The following GATAD2A variants were observed in gnomAD, a reference collection of about 807,000 sequenced individuals.
GATAD2A encodes GATA zinc finger domain containing 2A.
GATAD2A carries 12 observed loss-of-function variants against 68.5 expected under a neutral mutation model. That is an observed-to-expected ratio of 0.18 (90% CI 0.11 to 0.28). The LOEUF is 0.28. GATAD2A is among the 10% of genes least tolerant of loss of function. GATAD2A has a pLI of 1.00. For synonymous variants in GATAD2A, 410 were observed against 375.3 expected, an observed-to-expected ratio of 1.09 and a Z score of -1.07; for missense variants, 755 against 868.5, an observed-to-expected ratio of 0.87 and a Z score of 1.64.
upstream of GATAD2A, among the ~76,000 whole-genome samples, chr19:19,405,551 AGGGGCGGTGCTTCC>A (rs1286179062): frequency 1.3e-5 from 2 of 151,796 alleles, no homozygotes; most frequent in Non-Finnish European, 1.5e-5. Flanking sequence ...CGCGCCGGAG[AGGGGCGGTGCTTCC>A]GGGGCGGTAC....
chr19:19,500,184 A>G (rs546464760), intron 8 of GATAD2A, among the ~76,000 whole-genome samples: 1 of 152,284 alleles, frequency 6.6e-6, no homozygotes, highest in African/African-American at 2.4e-5. Flanking sequence ...CACCTCCCAG[A>G]GCCCCCAGCC....
chr19:19,494,848 C>T (rs994428546), intron 5 of GATAD2A, among the ~76,000 whole-genome samples: 17 of 152,196 alleles, frequency 1.1e-4, no homozygotes, highest in South Asian at 4.1e-4. Context: ...TGCCGTGGGC[C>T]GGCCAGTGTC....
intron 1 of GATAD2A, among the ~76,000 whole-genome samples, chr19:19,434,337 G>A (rs1302614351): frequency 6.6e-6 from 1 of 152,096 alleles, no homozygotes; most frequent in Non-Finnish European, 1.5e-5. Flanking sequence ...GCTGCCCATT[G>A]GGTTTCTCAG....
At chr19:19,459,343 C>T (rs1194950728) in intron 1 of GATAD2A, among the ~76,000 whole-genome samples, 1 of 151,410 alleles carries the variant, frequency 6.6e-6, no homozygotes, top group East Asian at 1.9e-4. Flanking sequence ...AGTGAAGTTA[C>T]TTTCAGTTTT....
chr19:19,420,028 T>G (rs1041140153), intron 1 of GATAD2A, among the ~76,000 whole-genome samples: 4 of 134,288 alleles, frequency 3.0e-5, no homozygotes, highest in Admixed American at 1.5e-4. Flanking sequence ...TTTTTTTTTT[T>G]GAGACAGAGT....
rs545161858 is a variant in GATAD2A at position 19,409,836 on chromosome 19, T to G, written c.-7+3817T>G. 2.6e-5 allele frequency among the ~76,000 whole-genome samples: 4 copies of G among 152,176 alleles called. No individual in the cohort carries two copies. In the East Asian group the frequency reaches 5.8e-4, roughly 22 times the overall value. On this transcript the variant is annotated intron_variant, in intron 1 of 11. Transcript: ENST00000683918. Reference sequence around the variant, plus strand: ...ATCTGGGACTTTTTTGTCAAGAGAGTGTCAGACCGTTGGCTTCTTGCCCCT... The same window carrying G: ...ATCTGGGACTTTTTTGTCAAGAGAGGGTCAGACCGTTGGCTTCTTGCCCCT...
intron 2 of GATAD2A, among the ~76,000 whole-genome samples, chr19:19,482,500 G>A (rs1216219628): frequency 6.6e-6 from 1 of 152,184 alleles, no homozygotes; most frequent in Non-Finnish European, 1.5e-5. Flanking sequence ...TTCCCCCAGG[G>A]TCCTGGCACA....
At chr19:19,464,991 T>C in intron 1 of GATAD2A, 1 of 358,188 alleles carries the variant, frequency 2.8e-6, no homozygotes. Context: ...CTAGAACAAC[T>C]TTTCCTCTGT....
intron 1 of GATAD2A, among the ~76,000 whole-genome samples, chr19:19,442,375 C>T (rs1004210308): frequency 5.3e-5 from 8 of 152,004 alleles, no homozygotes; most frequent in African/African-American, 1.7e-4. Flanking sequence ...CCTGTAATCC[C>T]AGCACTTCGG....
At chr19:19,453,864 A>G (rs147292290) in intron 1 of GATAD2A, among the ~76,000 whole-genome samples, 23,910 of 150,810 alleles carry the variant, frequency 0.16, 1,994 homozygotes, top group Middle Eastern at 0.28. Context: ...GGGTTTCACC[A>G]TCTTGGCCAG....
chr19:19,394,133 C>T (rs777379058), intron 1 of GATAD2A, among the ~76,000 whole-genome samples: 1 of 152,054 alleles, frequency 6.6e-6, no homozygotes, highest in Non-Finnish European at 1.5e-5. Flanking sequence ...AGCAATCCTC[C>T]CGCCTAGGCC....
At chr19:19,457,014 A>T in intron 1 of GATAD2A, 1 of 759,376 alleles carries the variant, frequency 1.3e-6, no homozygotes, top group Non-Finnish European at 1.6e-6. Context: ...AAGGAGCAAC[A>T]GATTTGGATG....
chr19:19,472,038 C>T (rs1327138932), intron 2 of GATAD2A, among the ~76,000 whole-genome samples: 1 of 152,230 alleles, frequency 6.6e-6, no homozygotes, highest in Non-Finnish European at 1.5e-5. Flanking sequence ...GCTACTACAC[C>T]TGGATGGGGT....
chr19:19,456,656 T>C (rs1204731521), intron 1 of GATAD2A, among the ~76,000 whole-genome samples: 1 of 152,218 alleles, frequency 6.6e-6, no homozygotes, highest in Non-Finnish European at 1.5e-5. Flanking sequence ...TTAACCATAC[T>C]TTGAAGGCAA....
At chr19:19,498,304 TG>T in intron 7 of GATAD2A, 138 bp from the exon 8 acceptor site, 2 of 720,270 alleles carry the variant, frequency 2.8e-6, no homozygotes, top group East Asian at 2.7e-5. Context: ...TTATCATGGC[TG>T]GGTTCACTTT....
intron 1 of GATAD2A, among the ~76,000 whole-genome samples, chr19:19,388,057 C>CTTT (rs1568686046): frequency 1.6e-5 from 2 of 125,984 alleles, no homozygotes. Flanking sequence ...AGCTTCTCCT[C>CTTT]CTTTTTTTTT....
At chr19:19,414,525 CTTGTCTTTTTTTT>C (rs2051334771) in intron 1 of GATAD2A, among the ~76,000 whole-genome samples, 1 of 141,652 alleles carries the variant, frequency 7.1e-6, no homozygotes, top group Non-Finnish European at 1.5e-5. Context: ...TCCTCAGGGC[CTTGTCTTTTTTTT>C]TTTTTTTTTT....
rs566537241 is a variant in GATAD2A, at chr19:19,468,825, G to T, written c.269+3211G>T. Among the ~76,000 whole-genome samples, 28 of 152,330 alleles carry T rather than the reference G, an allele frequency of 1.8e-4. No homozygotes were observed. The South Asian group carries it at 5.4e-3, about 29-fold the overall frequency. Reference sequence around the variant, plus strand: ...CCTGAAAATAAATGACACGTTGGCAGCTTGAGTCTATGAGAAGAAATAAAG... The same window carrying T: ...CCTGAAAATAAATGACACGTTGGCATCTTGAGTCTATGAGAAGAAATAAAG... On this transcript the variant is annotated intron_variant, in intron 2 of 11. Coordinates refer to ENST00000683918, the MANE Select transcript of GATAD2A (RefSeq NM_001384528.1).
intron 1 of GATAD2A, among the ~76,000 whole-genome samples, chr19:19,430,977 GTGTGTGT>G (rs1443601272): frequency 8.7e-5 from 4 of 45,720 alleles, no homozygotes; most frequent in Admixed American, 2.3e-4. Flanking sequence ...TATGGTAGGG[GTGTGTGT>G]GTGTGTGTGT....
Sources: allele counts gnomAD v4.1 joint callset (sites outside exome capture counted in the v4.1 genomes callset), GRCh38; gene constraint gnomAD v4.1.1; transcripts MANE v1.5; gene names NCBI Gene and HGNC (gene_info 2026-07-23, HGNC 2026-07-21).